Variants in LRRC69 observed in about 807,000 individuals in gnomAD.
LRRC69 encodes the protein leucine rich repeat containing 69.
In LRRC69, 42 loss-of-function variants were observed where a neutral mutation model predicts 37.8. The observed-to-expected ratio is 1.11, with a 90% CI of 0.87 to 1.44. LRRC69 has a LOEUF of 1.44. LRRC69 is among the 40% of genes most tolerant of loss of function. The pLI is 0.00. For synonymous variants in LRRC69, 141 were observed against 143.1 expected (o/e 0.99, Z 0.11); for missense variants, 357 against 401.9 (o/e 0.89, Z 0.96).
intron 7 of LRRC69, among the ~76,000 whole-genome samples, chr8:91,216,672 T>C (rs1691599331): frequency 6.6e-6 from 1 of 152,164 alleles, no homozygotes; most frequent in African/African-American, 2.4e-5. Flanking sequence ...GCCTGTCTTT[T>C]GCCATTTGTT....
chr8:91,205,028 C>T (rs1232914355), intron 7 of LRRC69, among the ~76,000 whole-genome samples: 1 of 152,044 alleles, frequency 6.6e-6, no homozygotes, highest in Non-Finnish European at 1.5e-5. Context: ...TTTTGCCTTT[C>T]AGGATGCATC....
chr8:91,118,441 A>G (rs1813557483), intron 1 of LRRC69: 2 of 334,840 alleles, frequency 6.0e-6, no homozygotes, highest in Non-Finnish European at 1.1e-5. Context: ...CTGAATGAGA[A>G]TCACTTCAAC....
chr8:91,168,128 A>T (rs557995462), intron 5 of LRRC69, among the ~76,000 whole-genome samples: 5 of 152,008 alleles, frequency 3.3e-5, no homozygotes, highest in Admixed American at 3.3e-4. Context: ...AGGTAGTGTC[A>T]TGAAGAAAAC....
Position 91,169,533 on chromosome 8 carries a change from T to A in LRRC69, c.652-19989T>A, listed in dbSNP as rs568885512. On this transcript the variant is annotated intron_variant, in intron 5 of 7. Coordinates refer to ENST00000448384, the Ensembl canonical transcript of LRRC69. ...ATATGTGTGTATATAATTTTTTTTT[T>A]ATTATACCTTAAGTTTTAGGGTACA... Among the ~76,000 whole-genome samples the A allele has an allele frequency of 4.7e-5, 7 of 149,058 alleles. No homozygotes were observed. The East Asian group carries it at 6.0e-4, about 13-fold the overall frequency.
intron 5 of LRRC69, among the ~76,000 whole-genome samples, chr8:91,151,678 T>G (rs748008206): frequency 6.6e-6 from 1 of 151,706 alleles, no homozygotes; most frequent in African/African-American, 2.4e-5. Context: ...GATTGCTGGG[T>G]CAAATGGTAT....
intron 7 of LRRC69, among the ~76,000 whole-genome samples, chr8:91,218,008 G>A (rs1810085522): frequency 6.6e-6 from 1 of 152,104 alleles, no homozygotes; most frequent in South Asian, 2.1e-4. Flanking sequence ...TCTCTCAAGG[G>A]TGGATCAATA....
At chr8:91,213,790 G>A (rs987718558) in intron 7 of LRRC69, among the ~76,000 whole-genome samples, 1 of 152,106 alleles carries the variant, frequency 6.6e-6, no homozygotes, top group Non-Finnish European at 1.5e-5. Flanking sequence ...TAAACAGAAT[G>A]TTTTAGGAGA....
At chr8:91,114,455 G>GTGTGTGTGTGTGTGTGTA (rs142337818) in intron 1 of LRRC69, among the ~76,000 whole-genome samples, 3 of 151,086 alleles carry the variant, frequency 2.0e-5, no homozygotes, top group South Asian at 4.2e-4. Context: ...GTGTGTGTGT[G>GTGTGTGTGTGTGTGTGTA]TATATATATA....
rs533382648 is a variant in LRRC69 at position 91,144,676 on chromosome 8, A to G, written c.651+8937A>G. The stretch of plus-strand genomic sequence containing the variant: ...AAAAGGATTTCTCTTTTTATACCCA[A>G]TGATGAATGATTTTGATCCACACCA... On this transcript the variant is annotated intron_variant, in intron 5 of 7. Transcript: ENST00000448384. 7.9e-5 allele frequency among the ~76,000 whole-genome samples: 12 copies of G among 151,894 alleles called. 1 individual carries two copies. Among genetic ancestry groups the G allele is most frequent in the African/African-American group, 2.9e-4 (12 of 41,496 alleles).
chr8:91,186,554 G>A (rs1809411237), intron 5 of LRRC69, among the ~76,000 whole-genome samples: 1 of 152,174 alleles, frequency 6.6e-6, no homozygotes, highest in Non-Finnish European at 1.5e-5. Flanking sequence ...TGGTTGGAGA[G>A]TCAGCCAAGG....
intron 5 of LRRC69, among the ~76,000 whole-genome samples, chr8:91,186,797 G>T (rs1271861771): frequency 6.6e-6 from 1 of 152,146 alleles, no homozygotes; most frequent in Non-Finnish European, 1.5e-5. Flanking sequence ...GGAGAAGATT[G>T]TGTGGGGGTG....
At chr8:91,141,258 C>T (rs867497897) in intron 5 of LRRC69, among the ~76,000 whole-genome samples, 8 of 152,008 alleles carry the variant, frequency 5.3e-5, no homozygotes, top group African/African-American at 1.9e-4. Flanking sequence ...AGCAAAATAT[C>T]ACAAACTGGG....
chr8:91,164,846 C>T (rs1346178936), intron 5 of LRRC69, among the ~76,000 whole-genome samples: 1 of 151,574 alleles, frequency 6.6e-6, no homozygotes, highest in Non-Finnish European at 1.5e-5. Flanking sequence ...TTTATATAAA[C>T]ATATTATGCC....
At chr8:91,157,846 A>G in intron 5 of LRRC69, 1 of 1,605,498 alleles carries the variant, frequency 6.2e-7, no homozygotes, top group Non-Finnish European at 8.5e-7. Flanking sequence ...TGCATCATTT[A>G]CAAGAGCAGA....
rs568713571 is a variant in LRRC69 at position 91,124,627 on chromosome 8, A to T, written c.310+8A>T. ...TTGCACCTGGAGCCTGTGGTAATTT[A>T]ATCAACAAGGAACAACATTATAGCA... On this transcript the variant is annotated splice_region_variant and intron_variant, in intron 2 of 7. Coordinates refer to ENST00000448384, the Ensembl canonical transcript of LRRC69. The T allele has an allele frequency of 4.6e-6, 7 of 1,526,726 alleles. No homozygotes were observed. In the African/African-American group the frequency reaches 9.8e-5, roughly 21 times the overall value. The allele number at this position is 1,526,726 out of a possible 1,614,324, so 94.6% of individuals were successfully genotyped here. A position where few individuals can be genotyped will look rare whatever the true frequency, so the allele number is the denominator to read the frequency against.
chr8:91,183,045 A>C (rs1809349806), intron 5 of LRRC69, among the ~76,000 whole-genome samples: 1 of 152,184 alleles, frequency 6.6e-6, no homozygotes, highest in African/African-American at 2.4e-5. Context: ...GCATGCAGAA[A>C]GGCCCTAGAG....
chr8:91,166,802 G>A (rs1809038794), intron 5 of LRRC69, among the ~76,000 whole-genome samples: 1 of 151,748 alleles, frequency 6.6e-6, no homozygotes, highest in South Asian at 2.1e-4. Context: ...AGTACTACCC[G>A]TCCTCATATA....
chr8:91,166,491 T>TTAA (rs1809029824), intron 5 of LRRC69, among the ~76,000 whole-genome samples: 2 of 10,694 alleles, frequency 1.9e-4, no homozygotes, highest in African/African-American at 1.4e-3. Context: ...TAAAATAAAC[T>TTAA]GAAAAAAAAA....
chr8:91,117,821 A>C (rs1310015289), intron 1 of LRRC69, among the ~76,000 whole-genome samples: 1 of 151,844 alleles, frequency 6.6e-6, no homozygotes, highest in Admixed American at 6.6e-5. Context: ...CATATGTGCT[A>C]TGAGAGCTGA....
Sources: gnomAD v4.1 joint callset for allele counts (sites outside exome capture counted in the v4.1 genomes callset) on GRCh38, gnomAD v4.1.1 for gene constraint, MANE v1.5 for transcripts, NCBI Gene and HGNC (gene_info 2026-07-23, HGNC 2026-07-21) for gene names.